The following P2RX7 variants were observed in gnomAD, a reference collection of about 807,000 sequenced individuals.
The protein encoded by P2RX7 is P2X purinoceptor 7.
P2RX7 carries 62 observed loss-of-function variants against 71.6 expected under a neutral mutation model. That is an observed-to-expected ratio of 0.87 (90% CI 0.71 to 1.07). The LOEUF is 1.07. P2RX7 is among the 50% of genes least tolerant of loss of function. The pLI, the probability that P2RX7 is intolerant of heterozygous loss-of-function variation, is 0.00. For missense variants in P2RX7, 686 were observed against 748.5 expected, an observed-to-expected ratio of 0.92 and a Z score of 0.97; for synonymous variants, 299 against 283.3, an observed-to-expected ratio of 1.06 and a Z score of -0.56.
rs1305924884 is a variant in P2RX7 at position 121,149,292 on chromosome 12, C to A, written c.126-5493C>A. ...TGCCACTCCAGGGCTCCTCCTCAGC[C>A]AGACTTGCCTGTGAGTGCCCCTTGA... On this transcript the variant is annotated intron_variant, in intron 1 of 12. Transcript: ENST00000328963. This position sits in a 1 kb window ranked among gnomAD's most constrained non-coding sequence, Gnocchi z 4.7. Among the ~76,000 whole-genome samples, 1 of 152,186 alleles carries A rather than the reference C, an allele frequency of 6.6e-6. No individual in the cohort carries two copies. The highest frequency in any genetic ancestry group is 1.9e-4 in the East Asian group (1 of 5,194).
chr12:121,175,950 C>G (rs532455582), intron 9 of P2RX7, among the ~76,000 whole-genome samples: 66 of 152,148 alleles, frequency 4.3e-4, no homozygotes, highest in Non-Finnish European at 9.1e-4. Flanking sequence ...TATACGTCCT[C>G]CTTGGTCTTG....
chr12:121,137,151 C>T (rs574695268), intron 1 of P2RX7, among the ~76,000 whole-genome samples: 1 of 152,274 alleles, frequency 6.6e-6, no homozygotes, highest in Non-Finnish European at 1.5e-5. Flanking sequence ...ATTCAGCAAC[C>T]GGGTTCGCTG....
chr12:121,138,397 ACT>A (rs1780347531), intron 1 of P2RX7, among the ~76,000 whole-genome samples: 1 of 151,506 alleles, frequency 6.6e-6, no homozygotes, highest in African/African-American at 2.4e-5. Flanking sequence ...CCCAGGAAAG[ACT>A]CTGATTGATC....
rs1415166172 is a variant in P2RX7, at chr12:121,160,953, T to C, written c.415T>C (p.Trp139Arg). Reference protein sequence around the residue: ...CSSDRGCKKGWMDPQSKGIQT... With the variant: ...CSSDRGCKKGRMDPQSKGIQT... ...CTCTGACCGAGGTTGTAAAAAGGGA[T>C]GGATGGACCCGCAGAGCAAAGGTAC... The change falls in exon 4 of 13, where the codon TGG becomes CGG. Residue 139 changes from tryptophan (W) to arginine (R), a missense_variant. By Grantham distance (101) the Trp-to-Arg change is moderately radical. Transcript: ENST00000328963. 6.2e-7 allele frequency: 1 copy of C among 1,613,844 alleles called. No homozygotes were observed. The highest frequency in any genetic ancestry group is 1.7e-5 in the Admixed American group (1 of 60,020).
At chr12:121,172,546 A>T (rs1339695912) in intron 8 of P2RX7, among the ~76,000 whole-genome samples, 2 of 152,140 alleles carry the variant, frequency 1.3e-5, no homozygotes, top group Non-Finnish European at 2.9e-5. Flanking sequence ...TGGGAGGATG[A>T]CTTGAGCCCG....
chr12:121,181,156 C>T (rs979418116), intron 12 of P2RX7, among the ~76,000 whole-genome samples: 3 of 152,138 alleles, frequency 2.0e-5, no homozygotes, highest in South Asian at 2.1e-4. Flanking sequence ...AACTGAATCA[C>T]GTAGTATGTA....
At chr12:121,183,580 A>AAAC (rs58344736) in intron 12 of P2RX7, among the ~76,000 whole-genome samples, 85,549 of 147,714 alleles carry the variant, frequency 0.58, 25,394 homozygotes, top group East Asian at 0.86. Context: ...CAAAAAAAAA[A>AAAC]AACAACAAAT....
chr12:121,132,879 C>T lies in P2RX7; in HGVS notation c.-92C>T. Reference sequence around the variant, plus strand: ...ACTCCTGCTAAAAACCAGTACGTTTCATTTTGCAGTTACTGGGAGGGGGCT... The same window carrying T: ...ACTCCTGCTAAAAACCAGTACGTTTTATTTTGCAGTTACTGGGAGGGGGCT... On this transcript the variant is annotated 5_prime_UTR_variant, in exon 1 of 13. Transcript: ENST00000328963. 1 of 1,469,330 alleles carries T rather than the reference C, an allele frequency of 6.8e-7. No homozygotes were observed. Among genetic ancestry groups the T allele is most frequent in the Non-Finnish European group, 9.4e-7 (1 of 1,066,522 alleles). The allele number at this position is 1,469,330 out of a possible 1,614,324, so 91.0% of individuals were successfully genotyped here. A position where few individuals can be genotyped will look rare whatever the true frequency, so the allele number is the denominator to read the frequency against.
Position 121,136,023 on chromosome 12 carries a change from A to AAAAAAAAATATATATATATAT in P2RX7, c.125+2929_125+2930insAAAAAAATATATATATATATA. Among the ~76,000 whole-genome samples, 30 of 15,234 alleles carry AAAAAAAAATATATATATATAT rather than the reference A, an allele frequency of 2.0e-3. 1 individual carries two copies. The highest frequency in any genetic ancestry group is 0.012 in the Admixed American group (7 of 598). 10.0% of individuals were successfully genotyped at this position (15,234 alleles called of 152,430 possible). On this transcript the variant is annotated intron_variant, in intron 1 of 12. Coordinates refer to ENST00000328963, the MANE Select transcript of P2RX7 (RefSeq NM_002562.6). The stretch of plus-strand genomic sequence containing the variant: ...TGTCTCAAAAAAAAAAAAAAAAAAA[A>AAAAAAAAATATATATATATAT]ATATATATATATATATATAGTATTT...
In P2RX7 at chr12:121,187,491, G is replaced by C. The variant is rs935092598; in HGVS notation, c.*2689G>C. The C allele has an allele frequency of 3.3e-5, 5 of 152,260 alleles. No homozygotes were observed. The highest frequency in any genetic ancestry group is 1.2e-4 in the African/African-American group (5 of 41,548). The allele number at this position is 152,260 out of a possible 1,614,324, so 9.4% of individuals were successfully genotyped here. A position where few individuals can be genotyped will look rare whatever the true frequency, so the allele number is the denominator to read the frequency against. The stretch of plus-strand genomic sequence containing the variant: ...TGTCACTGTTACAAGTTTCCATTCT[G>C]ATGGCTTCTGGGCCTTTGTACCTTT... On this transcript the variant is annotated 3_prime_UTR_variant, in exon 13 of 13. Coordinates refer to ENST00000328963, the MANE Select transcript of P2RX7 (RefSeq NM_002562.6).
intron 9 of P2RX7, among the ~76,000 whole-genome samples, chr12:121,176,920 T>C (rs1883250417): frequency 6.6e-6 from 1 of 152,078 alleles, no homozygotes; most frequent in Admixed American, 6.6e-5. Flanking sequence ...CCCCAGTGCT[T>C]GCTCATGTAA....
chr12:121,185,621 A>G lies in P2RX7; in HGVS notation c.*819A>G, dbSNP rs1483702286. 1 of 152,634 alleles carries G rather than the reference A, an allele frequency of 6.6e-6. No homozygotes were observed. Among genetic ancestry groups the G allele is most frequent in the Non-Finnish European group, 1.5e-5 (1 of 68,050 alleles). The allele number at this position is 152,634 out of a possible 1,614,324, so 9.5% of individuals were successfully genotyped here. On this transcript the variant is annotated 3_prime_UTR_variant, in exon 13 of 13. Coordinates refer to ENST00000328963, the MANE Select transcript of P2RX7 (RefSeq NM_002562.6). The stretch of plus-strand genomic sequence containing the variant: ...TAAGGGTTTTATCTCCTCCCCTTGA[A>G]TATGGGTGGCTCTGATTGCTTTATC...
chr12:121,162,211 TTC>T, intron 4 of P2RX7: 4 of 1,345,554 alleles, frequency 3.0e-6, no homozygotes, highest in Non-Finnish European at 3.8e-6. Flanking sequence ...TCTTTCTGTG[TTC>T]TCTCTGATCT....
rs753451790 is a variant in P2RX7 at position 121,156,087 on chromosome 12, T to C, written c.303T>C (p.Ser101=). 1 of 1,614,094 alleles carries C rather than the reference T, an allele frequency of 6.2e-7. No individual in the cohort carries two copies. Among genetic ancestry groups the C allele is most frequent in the Non-Finnish European group, 8.5e-7 (1 of 1,179,912 alleles). The change falls in exon 3 of 13, where the codon TCT becomes TCC. Residue 101 remains serine (S), a synonymous_variant. Coordinates refer to ENST00000328963, the MANE Select transcript of P2RX7 (RefSeq NM_002562.6). ...CCTCTCCTTCTCCACAGGGGAACTC[T>C]TTCTTCGTGATGACAAACTTTCTCA... ...ADYTFPLQGN[S]FFVMTNFLKT...
intron 1 of P2RX7, among the ~76,000 whole-genome samples, chr12:121,136,392 C>T (rs1302345336): frequency 2.0e-5 from 3 of 151,716 alleles, no homozygotes; most frequent in Admixed American, 6.6e-5. Flanking sequence ...TATCACAGCT[C>T]GCCACAGCCT....
chr12:121,133,532 T>C (rs1380966317), intron 1 of P2RX7, among the ~76,000 whole-genome samples: 1 of 152,270 alleles, frequency 6.6e-6, no homozygotes, highest in Non-Finnish European at 1.5e-5. Flanking sequence ...AGGAAGGCCC[T>C]GCTTTTTGGT....
chr12:121,163,596 G>GTTA (rs1880322952), intron 5 of P2RX7, among the ~76,000 whole-genome samples: 1 of 57,270 alleles, frequency 1.7e-5, no homozygotes, highest in Admixed American at 2.2e-4. Flanking sequence ...TAGATAGACA[G>GTTA]GTAGATAGAT....
At chr12:121,133,199 G>T in intron 1 of P2RX7, 104 bp downstream of exon 1, 2 of 1,344,824 alleles carry the variant, frequency 1.5e-6, no homozygotes, top group East Asian at 2.3e-5. Context: ...CATGGTTTTC[G>T]AATCTGAGAC....
rs544024653 is a variant in P2RX7, at chr12:121,183,192, C to A, written c.1291-1113C>A. ...ACTCCATCTCAAAAAAAAAAAAATT[C>A]TTTCTCTATATCCTTATTCTATATA... On this transcript the variant is annotated intron_variant, in intron 12 of 12. Coordinates refer to ENST00000328963, the MANE Select transcript of P2RX7 (RefSeq NM_002562.6). Among the ~76,000 whole-genome samples the A allele has an allele frequency of 1.2e-4, 18 of 148,050 alleles. No homozygotes were observed. In the South Asian group the frequency reaches 1.9e-3, roughly 16 times the overall value.
Sources: allele counts gnomAD v4.1 joint callset (sites outside exome capture counted in the v4.1 genomes callset), GRCh38; gene constraint gnomAD v4.1.1; non-coding constraint Gnocchi (gnomAD v3.1); transcripts MANE v1.5; gene names NCBI Gene and HGNC (gene_info 2026-07-23, HGNC 2026-07-21).